TOPAZ1: variants seen among roughly 807,000 people sequenced by gnomAD.
The protein encoded by TOPAZ1 is testis and ovary specific TOPAZ 1.
TOPAZ1 carries 66 observed loss-of-function variants against 172.2 expected under a neutral mutation model. That is an observed-to-expected ratio of 0.38 (90% CI 0.31 to 0.47). The LOEUF (loss-of-function observed/expected upper bound fraction) is 0.47, where lower values mean the gene tolerates loss of function less well. TOPAZ1 is among the 20% of genes least tolerant of loss of function. TOPAZ1 has a pLI of 0.99. For missense variants in TOPAZ1, 1,822 were observed against 1,972.4 expected, an observed-to-expected ratio of 0.92 and a Z score of 1.44; for synonymous variants, 681 against 683.9, an observed-to-expected ratio of 1.00 and a Z score of 0.07.
intron 4 of TOPAZ1, among the ~76,000 whole-genome samples, chr3:44,257,466 TATAGTG>T (rs1447897993): frequency 3.9e-5 from 3 of 77,266 alleles, no homozygotes; most frequent in Admixed American, 1.5e-4. Context: ...TATATATATA[TATAGTG>T]TGTGTGTGTG....
chr3:44,281,969 T>C lies in TOPAZ1; in HGVS notation c.3374T>C (p.Val1125Ala), dbSNP rs1700028003. ...TTACATTTTTCGTGACTTTTGCAGG[T>C]TTGCATGGATGTGTTTAAGAAATAT... The part of the protein sequence containing the change: ...AHVPEQGDEK[V>A]CMDVFKKYIN... The change falls in exon 9 of 20, where the codon GTT becomes GCT. Residue 1125 changes from valine (V) to alanine (A), a missense_variant and splice_region_variant. Transcript: ENST00000309765. 2.6e-6 allele frequency: 4 copies of C among 1,544,684 alleles called. No homozygotes were observed. In the South Asian group the frequency reaches 4.8e-5, roughly 19 times the overall value.
At chr3:44,296,847 C>CAAAAAAAA (rs141080618) in intron 12 of TOPAZ1, among the ~76,000 whole-genome samples, 36 of 104,734 alleles carry the variant, frequency 3.4e-4, no homozygotes, top group East Asian at 7.8e-4. Context: ...CAGAGAATAC[C>CAAAAAAAA]AAAAAAAAAA....
At chr3:44,289,177 T>C (rs531489598) in intron 11 of TOPAZ1, among the ~76,000 whole-genome samples, 1 of 152,288 alleles carries the variant, frequency 6.6e-6, no homozygotes, top group Admixed American at 6.5e-5. Context: ...CTCTTGCAGG[T>C]TTGTTTATAG....
At chr3:44,317,665 G>T (rs1700465432) in intron 16 of TOPAZ1, among the ~76,000 whole-genome samples, 3 of 152,130 alleles carry the variant, frequency 2.0e-5, no homozygotes, top group African/African-American at 7.2e-5. Flanking sequence ...TGGAAAATAT[G>T]CTCTCCCTTT....
intron 12 of TOPAZ1, among the ~76,000 whole-genome samples, chr3:44,301,699 A>T (rs1455228407): frequency 6.6e-6 from 1 of 151,852 alleles, no homozygotes; most frequent in African/African-American, 2.4e-5. Context: ...TTTTTCTATT[A>T]GGTTTTGGTT....
intron 18 of TOPAZ1, among the ~76,000 whole-genome samples, chr3:44,326,824 TGTGA>T (rs1700605884): frequency 2.0e-5 from 3 of 152,184 alleles, no homozygotes; most frequent in South Asian, 4.1e-4. Flanking sequence ...CAAAATCAAA[TGTGA>T]GTATTTTTCT....
chr3:44,318,742 C>T (rs1314126296), intron 16 of TOPAZ1, among the ~76,000 whole-genome samples: 2 of 149,592 alleles, frequency 1.3e-5, no homozygotes, highest in African/African-American at 2.5e-5. Context: ...CTCCATTATC[C>T]CTGCCCCATT....
At chr3:44,257,285 A>G in intron 4 of TOPAZ1, among the ~76,000 whole-genome samples, 1 of 150,718 alleles carries the variant, frequency 6.6e-6, no homozygotes, top group Non-Finnish European at 1.5e-5. Context: ...GCAGTGAGCC[A>G]TGTTCGGGCC....
intron 15 of TOPAZ1, among the ~76,000 whole-genome samples, chr3:44,308,073 A>C (rs935559438): frequency 6.6e-6 from 1 of 152,196 alleles, no homozygotes; most frequent in African/African-American, 2.4e-5. Context: ...CCGGAGTTCA[A>C]GACCAGCCTA....
intron 18 of TOPAZ1, among the ~76,000 whole-genome samples, chr3:44,325,613 A>G (rs898673761): frequency 2.0e-5 from 3 of 151,440 alleles, no homozygotes; most frequent in African/African-American, 7.3e-5. Flanking sequence ...CATAAATGGA[A>G]TCATTTAATA....
intron 16 of TOPAZ1, among the ~76,000 whole-genome samples, chr3:44,317,519 T>G (rs1160306694): frequency 6.6e-6 from 1 of 152,232 alleles, no homozygotes; most frequent in Non-Finnish European, 1.5e-5. Context: ...GATAATTATT[T>G]GTTTGATAGT....
chr3:44,312,713 A>G (rs2125702224), intron 16 of TOPAZ1, among the ~76,000 whole-genome samples: 1 of 152,350 alleles, frequency 6.6e-6, no homozygotes, highest in East Asian at 1.9e-4. Flanking sequence ...GTCTTGAAAT[A>G]TAAAATGGTT....
intron 16 of TOPAZ1, among the ~76,000 whole-genome samples, chr3:44,318,065 T>A (rs1271610656): frequency 6.6e-6 from 1 of 152,140 alleles, no homozygotes; most frequent in Non-Finnish European, 1.5e-5. Context: ...TGGGTGGGAA[T>A]CCCTGTGCAG....
intron 7 of TOPAZ1, among the ~76,000 whole-genome samples, chr3:44,269,872 C>G (rs1009890257): frequency 6.6e-6 from 1 of 152,080 alleles, no homozygotes; most frequent in Admixed American, 6.6e-5. Context: ...CCTCGTGATC[C>G]TCCTTCCTTG....
At chr3:44,296,523 G>T (rs780710846) in intron 12 of TOPAZ1, among the ~76,000 whole-genome samples, 2 of 151,706 alleles carry the variant, frequency 1.3e-5, no homozygotes, top group African/African-American at 2.4e-5. Context: ...ATAAGGGATT[G>T]CCTTGAACAA....
Position 44,241,979 on chromosome 3 carries a change from G to C in TOPAZ1, c.-75G>C. On this transcript the variant is annotated 5_prime_UTR_variant, in exon 1 of 20. Transcript: ENST00000309765. ...CAGAGGGCAGTAGGTACCTCCAGGC[G>C]GGAGCAGCGTTTGCACCGCGGTGGG... 1 of 1,381,266 alleles carries C rather than the reference G, an allele frequency of 7.2e-7. No homozygotes were observed. Among genetic ancestry groups the C allele is most frequent in the South Asian group, 1.3e-5 (1 of 78,298 alleles). The allele number at this position is 1,381,266 out of a possible 1,614,324, so 85.6% of individuals were successfully genotyped here. A position where few individuals can be genotyped will look rare whatever the true frequency, so the allele number is the denominator to read the frequency against.
At chr3:44,281,931 A>T (rs192405989) in intron 8 of TOPAZ1, 37 bp from the exon 9 acceptor site, 8 of 1,332,444 alleles carry the variant, frequency 6.0e-6, no homozygotes, top group South Asian at 4.0e-5. Flanking sequence ...CAGAATATTT[A>T]AAAAAGGTAG....
At chr3:44,289,043 T>G (rs1700107966) in intron 11 of TOPAZ1, among the ~76,000 whole-genome samples, 1 of 152,220 alleles carries the variant, frequency 6.6e-6, no homozygotes, top group East Asian at 1.9e-4. Flanking sequence ...AAAAGATAAT[T>G]AACATTTTTG....
intron 8 of TOPAZ1, among the ~76,000 whole-genome samples, chr3:44,278,092 A>G (rs1699983698): frequency 6.6e-6 from 1 of 152,030 alleles, no homozygotes; most frequent in African/African-American, 2.4e-5. Context: ...TCATGAAGGG[A>G]TATTGAATTT....
Sources: allele counts gnomAD v4.1 joint callset (sites outside exome capture counted in the v4.1 genomes callset), GRCh38; gene constraint gnomAD v4.1.1; transcripts MANE v1.5; gene names NCBI Gene and HGNC (gene_info 2026-07-23, HGNC 2026-07-21).